DNAH17: variants seen among roughly 807,000 people sequenced by gnomAD.
DNAH17 encodes the protein dynein axonemal heavy chain 17.
A neutral mutation model predicts 485.6 loss-of-function variants in DNAH17; 376 were observed. The observed-to-expected ratio is 0.77, with a 90% CI of 0.71 to 0.84. The LOEUF (loss-of-function observed/expected upper bound fraction) is 0.84, where lower values mean the gene tolerates loss of function less well. Among genes scored for constraint, DNAH17 ranks in the 40% least tolerant of loss-of-function variants. The probability of loss-of-function intolerance (pLI) is 0.00; values close to 1 mark genes in which losing one functional copy is unlikely to be tolerated. For synonymous variants in DNAH17, 3,031 were observed against 2,405.9 expected (o/e 1.26, Z -7.60); for missense variants, 6,370 against 5,839.3 (o/e 1.09, Z -2.96).
At position 78,493,872 on chromosome 17, in the gene DNAH17, G is replaced by A. The variant is rs796069857; in HGVS notation, c.6408+164C>T. The stretch of plus-strand genomic sequence containing the variant: ...TGTGGCAGCTCCTCCCCTCCTCCTC[G>A]GCCCCCAGCTTCCTCCCTGGCCCAT... On this transcript the variant is annotated intron_variant, in intron 41 of 80. Transcript: ENST00000389840. 5.8e-5 allele frequency: 58 copies of A among 1,007,100 alleles called. No homozygotes were observed. The African/African-American group carries it at 7.3e-4, about 13-fold the overall frequency. The allele number at this position is 1,007,100 out of a possible 1,614,324, so 62.4% of individuals were successfully genotyped here.
intron 22 of DNAH17, among the ~76,000 whole-genome samples, chr17:78,529,161 C>CAA (rs1000526845): frequency 5.5e-4 from 84 of 152,272 alleles, no homozygotes; most frequent in African/African-American, 1.9e-3. Flanking sequence ...AGGCTGGTCT[C>CAA]AAACTCGAGC....
intron 13 of DNAH17, among the ~76,000 whole-genome samples, chr17:78,558,846 C>A (rs544599464): frequency 6.6e-6 from 1 of 152,332 alleles, no homozygotes; most frequent in Admixed American, 6.5e-5. Context: ...GTCCACAAAG[C>A]TATTCTCAAA....
chr17:78,522,638 A>G, intron 25 of DNAH17: 1 of 227,314 alleles, frequency 4.4e-6, no homozygotes, highest in Admixed American at 6.1e-5. Context: ...TGCCCAGGCC[A>G]GAGCTGCTGG....
At chr17:78,426,782 T>C (rs2086485286) in intron 78 of DNAH17, 144 bp downstream of exon 78, 1 of 1,286,596 alleles carries the variant, frequency 7.8e-7, no homozygotes, top group Admixed American at 2.4e-5. Flanking sequence ...TCCCGGGGCT[T>C]GTTCTGGAAC....
In DNAH17 at chr17:78,428,651, G is replaced by GC. The variant is rs1568037581; in HGVS notation, c.12461dup (p.Leu4155ProfsTer62). 1.2e-6 allele frequency: 2 copies of GC among 1,613,990 alleles called. No homozygotes were observed. The highest frequency in any genetic ancestry group is 1.7e-6 in the Non-Finnish European group (2 of 1,179,902). ...AGCCAATCTCTGCGTTGGGGTGCAG[G>GC]CCATACAGATAGGGACTCTCAGGGG... On this transcript the variant is annotated frameshift_variant, in exon 77 of 81. Coordinates refer to ENST00000389840, the MANE Select transcript of DNAH17 (RefSeq NM_173628.4). LOFTEE classifies it high-confidence loss of function.
At chr17:78,451,332 GAC>G (rs2087541578) in intron 66 of DNAH17, 135 bp downstream of exon 66, 2 of 722,326 alleles carry the variant, frequency 2.8e-6, no homozygotes, top group African/African-American at 3.6e-5. Flanking sequence ...GATGCCGTGG[GAC>G]ACACTGAGGC....
At chr17:78,481,419 G>A (rs943473330) in intron 48 of DNAH17, among the ~76,000 whole-genome samples, 13 of 152,128 alleles carry the variant, frequency 8.5e-5, no homozygotes, top group African/African-American at 3.1e-4. Flanking sequence ...CTGATAATAT[G>A]TGAAGCAGCT....
intron 41 of DNAH17, 103 bp from the exon 42 acceptor site, chr17:78,492,868 T>TTTTTTTTTTTTTTGGGTGGG (rs1568147152): frequency 1.0e-6 from 1 of 988,066 alleles, no homozygotes; most frequent in Non-Finnish European, 1.4e-6. Context: ...TTTTTTTTTT[T>TTTTTTTTTTTTTTGGGTGGG]GAGATGGAGT....
At chr17:78,572,581 G>A in intron 3 of DNAH17, 120 bp downstream of exon 3, 1 of 960,032 alleles carries the variant, frequency 1.0e-6, no homozygotes, top group Non-Finnish European at 1.5e-6. Context: ...GCTTTAACAT[G>A]TGAAGCCACT....
chr17:78,434,405 G>C (rs930073560), intron 74 of DNAH17, among the ~76,000 whole-genome samples, 185 bp from the exon 75 acceptor site: 1 of 152,166 alleles, frequency 6.6e-6, no homozygotes, highest in Non-Finnish European at 1.5e-5. Context: ...GGGCTGTCAT[G>C]GCTGAGTACG....
chr17:78,495,908 G>C lies in DNAH17; in HGVS notation c.5870C>G (p.Ala1957Gly), dbSNP rs759853924. ...ITMNPGYAGR[A>G]ELPENLKALF... is the part of the protein sequence containing the mutation. ...GGCTTTTAGGTTCTCAGGCAGCTCC[G>C]CGCGTCCGGCGTACCCAGGGTTCAT... Residue 1957 changes from alanine (A) to glycine (G), a missense_variant, in exon 38 of 81, where the codon GCG becomes GGG. Transcript: ENST00000389840. 1 of 1,613,840 alleles carries C rather than the reference G, an allele frequency of 6.2e-7. No homozygotes were observed. The highest frequency in any genetic ancestry group is 2.2e-5 in the East Asian group (1 of 44,872).
rs2087491863 is a variant in DNAH17 at position 78,450,319 on chromosome 17, A to T, written c.10975T>A (p.Ser3659Thr). 6 of 1,613,894 alleles carry T rather than the reference A, an allele frequency of 3.7e-6. No homozygotes were observed. Among genetic ancestry groups the T allele is most frequent in the Admixed American group, 1.7e-5 (1 of 60,008 alleles). ...ENYRPAAERA[S>T]LLYFILNDLN... Reference sequence around the variant, plus strand: ...TCGTTCAGTATGAAGTAGAGCAGAGATGCCCTCTCCGCAGCCGGGCGGTAG... The same window carrying T: ...TCGTTCAGTATGAAGTAGAGCAGAGTTGCCCTCTCCGCAGCCGGGCGGTAG... Residue 3659 changes from serine (S) to threonine (T), a missense_variant, in exon 68 of 81, where the codon TCT becomes ACT. Ser to Thr is a moderately conservative substitution (Grantham distance 58, BLOSUM62 1). Transcript: ENST00000389840.
At chr17:78,515,077 A>G in intron 25 of DNAH17, 55 bp from the exon 26 acceptor site, 1 of 1,599,620 alleles carries the variant, frequency 6.3e-7, no homozygotes, top group Non-Finnish European at 8.5e-7. Flanking sequence ...GAATTCAGGA[A>G]GAAAACCCTC....
At chr17:78,562,482 C>T (rs545245205) in intron 11 of DNAH17, among the ~76,000 whole-genome samples, 1 of 152,146 alleles carries the variant, frequency 6.6e-6, no homozygotes, top group East Asian at 1.9e-4. Flanking sequence ...TTTTTGTATT[C>T]TTTTGGGTGT....
In DNAH17 at chr17:78,465,840, C is replaced by G. The variant is rs551057804; in HGVS notation, c.8940+815G>C. Among the ~76,000 whole-genome samples the G allele has an allele frequency of 6.8e-3, 1,035 of 151,206 alleles. 11 individuals carry two copies. The highest frequency in any genetic ancestry group is 0.011 in the Admixed American group (161 of 15,264). ...CAGCCCCCCGCCCGGCCAGCCGCCC[C>G]GTCCGGGAGGTGAGGGGCGCCTCTG... On this transcript the variant is annotated intron_variant, in intron 56 of 80. Transcript: ENST00000389840.
At chr17:78,511,210 C>A (rs374900726) in intron 26 of DNAH17, among the ~76,000 whole-genome samples, 2 of 152,326 alleles carry the variant, frequency 1.3e-5, no homozygotes, top group East Asian at 1.9e-4. Context: ...CGGGTTCAAG[C>A]GATTCTCCTG....
At chr17:78,458,950 C>T (rs1039194914) in intron 61 of DNAH17, 51 bp downstream of exon 61, 34 of 1,589,006 alleles carry the variant, frequency 2.1e-5, no homozygotes, top group Middle Eastern at 1.7e-4. Flanking sequence ...ACTGGCAGCG[C>T]GAGCAAGCGG....
chr17:78,499,239 T>C (rs2090186067), intron 36 of DNAH17, 127 bp from the exon 37 acceptor site: 3 of 635,196 alleles, frequency 4.7e-6, no homozygotes, highest in Admixed American at 7.1e-5. Flanking sequence ...CCCCGGTGCA[T>C]TGGAGCCTTC....
intron 1 of DNAH17, among the ~76,000 whole-genome samples, chr17:78,576,819 G>T (rs571432311): frequency 3.3e-5 from 5 of 152,342 alleles, no homozygotes; most frequent in South Asian, 2.1e-4. Flanking sequence ...GGGCTGAGGG[G>T]CCCCTACACC....
Sources: allele counts gnomAD v4.1 joint callset (sites outside exome capture counted in the v4.1 genomes callset), GRCh38; gene constraint gnomAD v4.1.1; transcripts MANE v1.5; gene names NCBI Gene and HGNC (gene_info 2026-07-23, HGNC 2026-07-21).